The following ICA1L variants were observed in gnomAD, a reference collection of about 807,000 sequenced individuals.
ICA1L encodes the protein islet cell autoantigen 1 like, also known as islet cell autoantigen 1-like protein.
ICA1L carries 50 observed loss-of-function variants against 61.3 expected under a neutral mutation model. The ratio of observed to expected loss-of-function variants is 0.82; its 90% CI spans 0.65 to 1.03. The LOEUF (loss-of-function observed/expected upper bound fraction) is 1.03. Ranked by LOEUF, ICA1L falls within the 50% of genes least tolerant of loss-of-function variation. The pLI is 0.00. For missense variants in ICA1L, 508 were observed against 556.7 expected (o/e 0.91, Z 0.88); for synonymous variants, 161 against 191.3 (o/e 0.84, Z 1.31).
chr2:202,810,732 G>T (rs560815941), intron 9 of ICA1L, among the ~76,000 whole-genome samples: 4 of 152,120 alleles, frequency 2.6e-5, no homozygotes, highest in African/African-American at 9.7e-5. Context: ...GAGAAATATC[G>T]CTGGATTCTT....
chr2:202,814,238 T>G lies in ICA1L; in HGVS notation c.866+464A>C, dbSNP rs1407043471. Among the ~76,000 whole-genome samples, 3 of 152,164 alleles carry G rather than the reference T, an allele frequency of 2.0e-5. No homozygotes were observed. In the East Asian group the frequency reaches 5.8e-4, roughly 29 times the overall value. Reference sequence around the variant, plus strand: ...ACCTAGTAGGAGGTGTTTGGGTCATTGGGGCAGATCTCTCATGAATGGTTT... The same window carrying G: ...ACCTAGTAGGAGGTGTTTGGGTCATGGGGGCAGATCTCTCATGAATGGTTT... On this transcript the variant is annotated intron_variant, in intron 8 of 12. Transcript: ENST00000358299.
rs1692112987 is a variant in ICA1L, at chr2:202,773,380, C to T, written c.*6153G>A. On this transcript the variant is annotated 3_prime_UTR_variant, in exon 13 of 13. Coordinates refer to ENST00000358299, the MANE Select transcript of ICA1L (RefSeq NM_001288622.3). The stretch of plus-strand genomic sequence containing the variant: ...ATCCCTAACATGTGACTACCAAAGA[C>T]CTTGAAGCTAAACAAACAAAGAAAA... 6.0e-6 allele frequency: 1 copy of T among 166,234 alleles called. No individual in the cohort carries two copies. Among genetic ancestry groups the T allele is most frequent in the Admixed American group, 5.7e-5 (1 of 17,424 alleles). The allele number at this position is 166,234 out of a possible 1,614,324, so 10.3% of individuals were successfully genotyped here.
chr2:202,784,991 G>A (rs868193955), intron 12 of ICA1L, among the ~76,000 whole-genome samples: 9 of 151,982 alleles, frequency 5.9e-5, no homozygotes, highest in Admixed American at 3.9e-4. Flanking sequence ...AGCCTGAGGC[G>A]GGCGGATCAT....
chr2:202,867,956 G>A (rs1364765460), intron 1 of ICA1L, among the ~76,000 whole-genome samples: 1 of 152,090 alleles, frequency 6.6e-6, no homozygotes, highest in Non-Finnish European at 1.5e-5. Context: ...ATTAACAGGT[G>A]AATAAACAAA....
chr2:202,804,035 C>G (rs1693160387), intron 9 of ICA1L, among the ~76,000 whole-genome samples: 1 of 152,030 alleles, frequency 6.6e-6, no homozygotes, highest in African/African-American at 2.4e-5. Flanking sequence ...AGCCTCCTTG[C>G]TTTGTGCTAA....
At chr2:202,852,832 CTCA>C (rs979474379) in intron 1 of ICA1L, among the ~76,000 whole-genome samples, 9 of 150,036 alleles carry the variant, frequency 6.0e-5, no homozygotes, top group African/African-American at 2.0e-4. Flanking sequence ...GATGAAAATG[CTCA>C]TCATCACTGG....
At chr2:202,817,812 A>C (rs1693582228) in intron 5 of ICA1L, among the ~76,000 whole-genome samples, 1 of 152,198 alleles carries the variant, frequency 6.6e-6, no homozygotes, top group African/African-American at 2.4e-5. Context: ...GTTTTTTAAA[A>C]AGTATTCCAA....
chr2:202,844,609 G>T (rs1234330547), intron 1 of ICA1L: 1 of 151,922 alleles, frequency 6.6e-6, no homozygotes, highest in Admixed American at 6.6e-5. Flanking sequence ...AAGAAAGAAG[G>T]AATTGAGATA....
intron 6 of ICA1L, among the ~76,000 whole-genome samples, chr2:202,816,755 T>C (rs1002685762): frequency 3.9e-5 from 6 of 152,208 alleles, no homozygotes; most frequent in Admixed American, 6.5e-5. Context: ...TCTTTTCTTA[T>C]GTAAGTACAG....
chr2:202,840,520 A>G, intron 1 of ICA1L: 1 of 544,106 alleles, frequency 1.8e-6, no homozygotes, highest in Non-Finnish European at 3.6e-6. Context: ...AGCTCAGACC[A>G]CCTGCATAGC....
At chr2:202,866,881 A>G (rs1038062636) in intron 1 of ICA1L, among the ~76,000 whole-genome samples, 36 of 152,114 alleles carry the variant, frequency 2.4e-4, no homozygotes, top group African/African-American at 8.7e-4. Context: ...TAGGAGGCAG[A>G]GGTTGCAGTG....
At chr2:202,785,233 A>AG (rs1692543222) in intron 12 of ICA1L, among the ~76,000 whole-genome samples, 1 of 151,794 alleles carries the variant, frequency 6.6e-6, no homozygotes, top group Non-Finnish European at 1.5e-5. Flanking sequence ...AAAAAAAAAA[A>AG]AAAAGAAAAG....
intron 9 of ICA1L, among the ~76,000 whole-genome samples, chr2:202,808,625 C>A (rs2105840705): frequency 6.6e-6 from 1 of 152,306 alleles, no homozygotes; most frequent in South Asian, 2.1e-4. Flanking sequence ...AGTAGCCAGG[C>A]AGTGGTAACA....
intron 3 of ICA1L, among the ~76,000 whole-genome samples, chr2:202,823,281 C>T (rs1391117256): frequency 6.6e-6 from 1 of 152,116 alleles, no homozygotes. Flanking sequence ...CTGGACTAAC[C>T]TACTGCATTT....
intron 11 of ICA1L, chr2:202,786,825 T>C (rs1271675535): frequency 9.2e-6 from 4 of 433,142 alleles, no homozygotes; most frequent in Admixed American, 2.7e-5. Flanking sequence ...AGGTAGATTA[T>C]GTTGTATAAA....
chr2:202,785,183 C>T (rs1160143685), intron 12 of ICA1L, among the ~76,000 whole-genome samples: 3 of 149,388 alleles, frequency 2.0e-5, no homozygotes, highest in African/African-American at 7.4e-5. Flanking sequence ...TGTACCATTG[C>T]ACTCCAGCCT....
At chr2:202,799,912 T>A (rs1693042769) in intron 9 of ICA1L, among the ~76,000 whole-genome samples, 1 of 150,072 alleles carries the variant, frequency 6.7e-6, no homozygotes, top group Admixed American at 6.7e-5. Context: ...GGAGTGTCAC[T>A]CTGTTGCCAG....
At chr2:202,793,496 A>G (rs1226884795) in intron 10 of ICA1L, among the ~76,000 whole-genome samples, 1 of 24,730 alleles carries the variant, frequency 4.0e-5, no homozygotes, top group African/African-American at 1.3e-4. Context: ...GTCTCTACTA[A>G]AAAAAAAAAA....
At chr2:202,780,354 C>A (rs1312901967) in intron 12 of ICA1L, among the ~76,000 whole-genome samples, 1 of 152,190 alleles carries the variant, frequency 6.6e-6, no homozygotes, top group African/African-American at 2.4e-5. Context: ...TGCATTTTAT[C>A]TCAGGTACAA....
Sources: allele counts gnomAD v4.1 joint callset (sites outside exome capture counted in the v4.1 genomes callset), GRCh38; gene constraint gnomAD v4.1.1; transcripts MANE v1.5; gene names NCBI Gene and HGNC (gene_info 2026-07-23, HGNC 2026-07-21).